Variants in PTBP3 observed in about 807,000 individuals in gnomAD.
PTBP3 encodes the protein polypyrimidine tract binding protein 3.
In PTBP3, 20 loss-of-function variants were observed where a neutral mutation model predicts 58.7. The observed-to-expected ratio is 0.34, with a 90% CI of 0.24 to 0.50. The LOEUF (loss-of-function observed/expected upper bound fraction) is 0.50, where lower values mean the gene tolerates loss of function less well. Ranked by LOEUF, PTBP3 falls within the 20% of genes least tolerant of loss-of-function variation. The probability of loss-of-function intolerance (pLI) is 0.98; values close to 1 mark genes in which losing one functional copy is unlikely to be tolerated. For synonymous variants in PTBP3, 185 were observed against 219.8 expected (o/e 0.84, Z 1.40); for missense variants, 509 against 637.2 (o/e 0.80, Z 2.17).
chr9:112,283,834 T>G (rs1827986671), intron 2 of PTBP3, among the ~76,000 whole-genome samples: 1 of 152,218 alleles, frequency 6.6e-6, no homozygotes, highest in African/African-American at 2.4e-5. Context: ...TGGAACTTGG[T>G]GCCCTGCATC....
At chr9:112,346,075 C>T in the PTBP3 span, among the ~76,000 whole-genome samples, 1 of 152,142 alleles carries the variant, frequency 6.6e-6, no homozygotes, top group South Asian at 2.1e-4. Context: ...AACTCCTGAC[C>T]TCAGGTAATC....
chr9:112,306,459 C>CAA (rs34048627), intron 1 of PTBP3, among the ~76,000 whole-genome samples: 1,916 of 142,314 alleles, frequency 0.013, 38 homozygotes, highest in African/African-American at 0.043. Context: ...TGTGCCTGGG[C>CAA]AAAAAAAAAA....
chr9:112,356,827 T>C, the PTBP3 span, among the ~76,000 whole-genome samples: 5 of 149,162 alleles, frequency 3.4e-5, no homozygotes, highest in South Asian at 8.5e-4. Flanking sequence ...CACACACAAT[T>C]TGGCCCCAAC....
chr9:112,266,646 A>G (rs1339161539), intron 4 of PTBP3, among the ~76,000 whole-genome samples: 2 of 152,230 alleles, frequency 1.3e-5, no homozygotes, highest in African/African-American at 4.8e-5. Flanking sequence ...TATTATAGTC[A>G]TTTAAAGCTG....
At chr9:112,255,431 T>C (rs368461061) in intron 5 of PTBP3, among the ~76,000 whole-genome samples, 1 of 152,192 alleles carries the variant, frequency 6.6e-6, no homozygotes, top group Admixed American at 6.5e-5. Context: ...ATGTATGTAT[T>C]ATACATGCAG....
chr9:112,297,970 A>G, intron 1 of PTBP3, 54 bp from the exon 2 acceptor site: 1 of 1,368,592 alleles, frequency 7.3e-7, no homozygotes. Context: ...ATAATGGTCC[A>G]TATTTACTAA....
intron 2 of PTBP3, among the ~76,000 whole-genome samples, chr9:112,285,759 T>A (rs1210420291): frequency 2.6e-5 from 4 of 152,362 alleles, no homozygotes; most frequent in South Asian, 4.1e-4. Flanking sequence ...TTCACGATTT[T>A]AAATTTTAAA....
chr9:112,263,364 T>C (rs1052764263), intron 4 of PTBP3, among the ~76,000 whole-genome samples: 3 of 152,118 alleles, frequency 2.0e-5, no homozygotes, highest in Admixed American at 1.3e-4. Context: ...AAGTAACAAC[T>C]TTATAGTGGA....
chr9:112,244,983 T>A (rs7036615), intron 7 of PTBP3, among the ~76,000 whole-genome samples: 130,241 of 152,258 alleles, frequency 0.86, 56,115 homozygotes, highest in African/African-American at 0.95. Flanking sequence ...AACTAGACCA[T>A]TGTAGCAATG....
At chr9:112,355,917 T>G in the PTBP3 span, among the ~76,000 whole-genome samples, 470 of 150,890 alleles carry the variant, frequency 3.1e-3, 1 homozygote, top group Non-Finnish European at 4.8e-3. Flanking sequence ...ACACCCCACC[T>G]GGAAATAAAA....
the PTBP3 span, among the ~76,000 whole-genome samples, chr9:112,357,101 C>T: frequency 6.6e-6 from 1 of 151,818 alleles, no homozygotes. Flanking sequence ...AGGCTGGTCT[C>T]GAACTCCTGA....
chr9:112,281,946 G>A (rs1827886348), intron 2 of PTBP3, among the ~76,000 whole-genome samples: 1 of 152,126 alleles, frequency 6.6e-6, no homozygotes, highest in Non-Finnish European at 1.5e-5. Context: ...AGCATTTCTG[G>A]TGAGGGGTCT....
intron 3 of PTBP3, among the ~76,000 whole-genome samples, chr9:112,269,652 T>C (rs900475381): frequency 1.3e-5 from 2 of 152,202 alleles, no homozygotes; most frequent in African/African-American, 4.8e-5. Context: ...TTAAGTCTCT[T>C]TGTAGCTCTA....
At chr9:112,251,174 A>T in intron 6 of PTBP3, 71 bp from the exon 7 acceptor site, 1 of 1,267,842 alleles carries the variant, frequency 7.9e-7, no homozygotes, top group Non-Finnish European at 1.0e-6. Flanking sequence ...CTCTACTTTG[A>T]CAAAGAGTGG....
chr9:112,262,723 T>C (rs1836651135), intron 4 of PTBP3, 124 bp from the exon 5 acceptor site: 3 of 806,572 alleles, frequency 3.7e-6, no homozygotes, highest in South Asian at 7.7e-5. Context: ...ATCTACTCCG[T>C]CTGGAGATAC....
intron 2 of PTBP3, among the ~76,000 whole-genome samples, chr9:112,280,598 T>C (rs77359304): frequency 0.017 from 2,578 of 152,236 alleles, 36 homozygotes; most frequent in Non-Finnish European, 0.025. Context: ...ACAAAAGGAG[T>C]TGAATTCTTT....
chr9:112,290,304 G>A (rs193111280), intron 2 of PTBP3, among the ~76,000 whole-genome samples: 62 of 152,058 alleles, frequency 4.1e-4, no homozygotes, highest in African/African-American at 1.4e-3. Context: ...AAATATAATC[G>A]ATTTCATTAA....
chr9:112,271,491 C>T (rs1470939575), intron 3 of PTBP3, among the ~76,000 whole-genome samples: 9 of 152,136 alleles, frequency 5.9e-5, no homozygotes, highest in African/African-American at 4.8e-5. Context: ...GAGGCTGCAA[C>T]GGGCAGATCA....
the PTBP3 span, among the ~76,000 whole-genome samples, chr9:112,356,215 G>C: frequency 1.3e-5 from 2 of 152,054 alleles, no homozygotes; most frequent in Non-Finnish European, 2.9e-5. Context: ...CTAACCTCAG[G>C]TGATCCACCC....
Sources: gnomAD v4.1 joint callset for allele counts (sites outside exome capture counted in the v4.1 genomes callset) on GRCh38, gnomAD v4.1.1 for gene constraint, MANE v1.5 for transcripts, NCBI Gene and HGNC (gene_info 2026-07-23, HGNC 2026-07-21) for gene names.